CDK17: variants seen among roughly 807,000 people sequenced by gnomAD.
CDK17 encodes the protein cyclin dependent kinase 17.
Under a neutral mutation model 77.6 loss-of-function variants are expected in CDK17, and 24 were observed. That is an observed-to-expected ratio of 0.31 (90% CI 0.22 to 0.44). The LOEUF is 0.44. CDK17 is among the 20% of genes least tolerant of loss of function. CDK17 has a pLI of 1.00. For missense variants in CDK17, 429 were observed against 622.5 expected, an observed-to-expected ratio of 0.69 and a Z score of 3.31; for synonymous variants, 203 against 210.4, an observed-to-expected ratio of 0.96 and a Z score of 0.30.
intron 1 of CDK17, among the ~76,000 whole-genome samples, chr12:96,355,398 G>GTTTT (rs58937020): frequency 1.9e-4 from 14 of 72,452 alleles, no homozygotes; most frequent in Non-Finnish European, 2.6e-4. Flanking sequence ...TCTACATTGG[G>GTTTT]TTTTTTTTTT....
chr12:96,363,049 A>G (rs1953521218), intron 1 of CDK17, among the ~76,000 whole-genome samples: 1 of 152,230 alleles, frequency 6.6e-6, no homozygotes, highest in Admixed American at 6.5e-5. Context: ...AGGGACAAAG[A>G]TAATTACAGA....
intron 6 of CDK17, among the ~76,000 whole-genome samples, chr12:96,299,631 C>T (rs1435173965): frequency 1.3e-5 from 2 of 152,168 alleles, no homozygotes; most frequent in Non-Finnish European, 2.9e-5. Context: ...CCTCGTGATT[C>T]ACCCGCCTTG....
intron 1 of CDK17, among the ~76,000 whole-genome samples, chr12:96,357,469 G>A (rs920469948): frequency 6.6e-6 from 1 of 152,026 alleles, no homozygotes; most frequent in Non-Finnish European, 1.5e-5. Flanking sequence ...ACAAACAAAC[G>A]AAAACAGGAG....
chr12:96,341,466 A>G (rs1232944864), intron 1 of CDK17, among the ~76,000 whole-genome samples: 1 of 152,244 alleles, frequency 6.6e-6, no homozygotes, highest in East Asian at 1.9e-4. Flanking sequence ...AAAGGGTTAC[A>G]GAATGACAGC....
chr12:96,316,194 C>T (rs1326594677), intron 3 of CDK17, among the ~76,000 whole-genome samples: 5 of 152,046 alleles, frequency 3.3e-5, no homozygotes, highest in Non-Finnish European at 7.4e-5. Flanking sequence ...AAAGGGGTGA[C>T]GGACGCACCT....
At position 96,383,317 on chromosome 12, in the gene CDK17, A is replaced by G. The variant is rs139034598; in HGVS notation, c.-30+16669T>C. Among the ~76,000 whole-genome samples the G allele has an allele frequency of 2.3e-3, 357 of 152,118 alleles. 7 individuals are homozygous for G. The East Asian group carries it at 0.041, about 18-fold the overall frequency. ...GTCATTAATTAGAAGAATCAATATCATTAAAATATCCATAGTGCCAAAAGC... is the reference window on the plus strand; with the variant it reads ...GTCATTAATTAGAAGAATCAATATCGTTAAAATATCCATAGTGCCAAAAGC... On this transcript the variant is annotated intron_variant, in intron 1 of 16. Coordinates refer to ENST00000261211, the MANE Select transcript of CDK17 (RefSeq NM_002595.5).
In CDK17 at chr12:96,325,584, G is replaced by C. The variant is rs115990252; in HGVS notation, c.119-1472C>G. Among the ~76,000 whole-genome samples, 809 of 152,298 alleles carry C rather than the reference G, an allele frequency of 5.3e-3. 6 individuals carry two copies. The highest frequency in any genetic ancestry group is 0.019 in the African/African-American group (779 of 41,562). On this transcript the variant is annotated intron_variant, in intron 2 of 16. Coordinates refer to ENST00000261211, the MANE Select transcript of CDK17 (RefSeq NM_002595.5). ...TGCCTAAAAGGGTATAAGAAGGATG[G>C]GGCATAAGGGCCCAAAGGCTCACCC...
At chr12:96,393,511 TTG>T (rs1954110810) in intron 1 of CDK17, among the ~76,000 whole-genome samples, 1 of 151,936 alleles carries the variant, frequency 6.6e-6, no homozygotes, top group African/African-American at 2.4e-5. Flanking sequence ...GGCAGGCAGA[TTG>T]CTTGAGCTCA....
At chr12:96,288,769 G>A (rs1349870530) in intron 11 of CDK17, among the ~76,000 whole-genome samples, 2 of 152,046 alleles carry the variant, frequency 1.3e-5, no homozygotes, top group African/African-American at 4.8e-5. Flanking sequence ...GAAAGATTTT[G>A]GTGAATATTA....
intron 1 of CDK17, among the ~76,000 whole-genome samples, chr12:96,355,142 G>C (rs546523754): frequency 1.5e-4 from 23 of 152,072 alleles, no homozygotes; most frequent in African/African-American, 5.3e-4. Context: ...TTTTAACCTC[G>C]TTTTCTGCCA....
chr12:96,355,398 G>GTTTTTTTTTTTTTTTTTTTTTTTT lies in CDK17; in HGVS notation c.-29-20534_-29-20533insAAAAAAAAAAAAAAAAAAAAAAAA, dbSNP rs58937020. 4.1e-5 allele frequency among the ~76,000 whole-genome samples: 3 copies of GTTTTTTTTTTTTTTTTTTTTTTTT among 72,476 alleles called. 1 individual carries two copies. Among genetic ancestry groups the GTTTTTTTTTTTTTTTTTTTTTTTT allele is most frequent in the Non-Finnish European group, 2.4e-5 (1 of 41,828 alleles). 47.5% of individuals were successfully genotyped at this position (72,476 alleles called of 152,430 possible). On this transcript the variant is annotated intron_variant, in intron 1 of 16. Transcript: ENST00000261211. ...CTTGCTGTCTAACATTCTACATTGG[G>GTTTTTTTTTTTTTTTTTTTTTTTT]TTTTTTTTTTTTTTTTTTTTTTTGG... is the stretch of plus-strand genomic sequence containing the variant.
chr12:96,279,929 T>C lies in CDK17; in HGVS notation c.*313A>G, dbSNP rs116714117. The C allele has an allele frequency of 3.5e-3, 907 of 255,650 alleles. 7 individuals are homozygous for C. The highest frequency in any genetic ancestry group is 0.019 in the African/African-American group (865 of 45,248). The allele number at this position is 255,650 out of a possible 1,614,324, so 15.8% of individuals were successfully genotyped here. ...ACAGACAGTAGTTATTTAGCAGCAA[T>C]GATTCCGCAATAAATAATGCACTGT... On this transcript the variant is annotated 3_prime_UTR_variant, in exon 17 of 17. Transcript: ENST00000261211.
chr12:96,328,969 A>G (rs1056125791), intron 2 of CDK17, among the ~76,000 whole-genome samples: 2 of 152,204 alleles, frequency 1.3e-5, no homozygotes, highest in African/African-American at 4.8e-5. Context: ...CCAATTCAAT[A>G]AGATAATAAC....
At chr12:96,389,165 G>T (rs1458434511) in intron 1 of CDK17, among the ~76,000 whole-genome samples, 3 of 150,408 alleles carry the variant, frequency 2.0e-5, no homozygotes, top group Non-Finnish European at 4.4e-5. Flanking sequence ...TGTAGGCATG[G>T]GGTCTCCCTA....
chr12:96,323,596 C>A (rs971656668), intron 3 of CDK17, among the ~76,000 whole-genome samples: 13 of 150,640 alleles, frequency 8.6e-5, no homozygotes, highest in Admixed American at 2.0e-4. Flanking sequence ...AGGTGATAAC[C>A]ACATATACTA....
chr12:96,393,765 A>G (rs1954115885), intron 1 of CDK17, among the ~76,000 whole-genome samples: 1 of 151,330 alleles, frequency 6.6e-6, no homozygotes, highest in Non-Finnish European at 1.5e-5. Flanking sequence ...CACATACTCA[A>G]TGAAAAGCTT....
chr12:96,367,118 G>T (rs946521393), intron 1 of CDK17, among the ~76,000 whole-genome samples: 1 of 151,874 alleles, frequency 6.6e-6, no homozygotes, highest in Non-Finnish European at 1.5e-5. Context: ...GCCGAGGCGG[G>T]CGGATCATGA....
intron 1 of CDK17, among the ~76,000 whole-genome samples, chr12:96,368,683 T>C (rs1236922483): frequency 2.0e-5 from 3 of 151,982 alleles, no homozygotes; most frequent in Non-Finnish European, 4.4e-5. Flanking sequence ...TCGTCTAATA[T>C]TCACTAGAAA....
chr12:96,334,954 A>G, intron 1 of CDK17, 89 bp from the exon 2 acceptor site: 1 of 693,412 alleles, frequency 1.4e-6, no homozygotes. Context: ...AAATCTTTAA[A>G]ATAGGAATAT....
Sources: gnomAD v4.1 joint callset for allele counts (sites outside exome capture counted in the v4.1 genomes callset) on GRCh38, gnomAD v4.1.1 for gene constraint, MANE v1.5 for transcripts, NCBI Gene and HGNC (gene_info 2026-07-23, HGNC 2026-07-21) for gene names.